The following KIRREL3 variants were observed in gnomAD, a reference collection of about 807,000 sequenced individuals.
KIRREL3 encodes the protein kirre like nephrin family adhesion molecule 3.
A neutral mutation model predicts 89.7 loss-of-function variants in KIRREL3; 36 were observed. That is an observed-to-expected ratio of 0.40 (90% CI 0.31 to 0.53). The LOEUF (loss-of-function observed/expected upper bound fraction) is 0.53, where lower values mean the gene tolerates loss of function less well. KIRREL3 is among the 20% of genes least tolerant of loss of function. The pLI is 0.49. For missense variants in KIRREL3, 864 were observed against 1,056.6 expected (o/e 0.82, Z 2.53); for synonymous variants, 445 against 441.4 (o/e 1.01, Z -0.10).
At position 126,740,539 on chromosome 11, in the gene KIRREL3, A is replaced by G. The variant is rs1470861586; in HGVS notation, c.56-177627T>C. Reference sequence around the variant, plus strand: ...CTCCTACCCAGGAGACATGTTCCTTATATTTGTGATGTATTCCTATGGGCA... The same window carrying G: ...CTCCTACCCAGGAGACATGTTCCTTGTATTTGTGATGTATTCCTATGGGCA... On this transcript the variant is annotated intron_variant, in intron 1 of 16. Coordinates refer to ENST00000525144, the MANE Select transcript of KIRREL3 (RefSeq NM_032531.4). The surrounding 1 kb of genome is among the most constrained non-coding windows in gnomAD (Gnocchi z 6.0). Among the ~76,000 whole-genome samples the G allele has an allele frequency of 6.6e-6, 1 of 152,102 alleles. No homozygotes were observed. The highest frequency in any genetic ancestry group is 1.9e-4 in the East Asian group (1 of 5,180).
rs1942967070 is a variant in KIRREL3 at position 126,608,180 on chromosome 11, T to C, written c.56-45268A>G. Reference sequence around the variant, plus strand: ...TGCAGCTGGAGGTGGGGGCGGGCCATGGTGGGCCAGGACAGGTGGGAGAGA... The same window carrying C: ...TGCAGCTGGAGGTGGGGGCGGGCCACGGTGGGCCAGGACAGGTGGGAGAGA... On this transcript the variant is annotated intron_variant, in intron 1 of 16. Transcript: ENST00000525144. This position sits in a 1 kb window ranked among gnomAD's most constrained non-coding sequence, Gnocchi z 4.9. Among the ~76,000 whole-genome samples, 1 of 151,814 alleles carries C rather than the reference T, an allele frequency of 6.6e-6. No homozygotes were observed. Among genetic ancestry groups the C allele is most frequent in the African/African-American group, 2.4e-5 (1 of 41,306 alleles).
intron 1 of KIRREL3, among the ~76,000 whole-genome samples, chr11:126,916,072 C>T (rs1251237385): frequency 6.6e-6 from 1 of 152,164 alleles, no homozygotes; most frequent in African/African-American, 2.4e-5. Flanking sequence ...ACATATACAG[C>T]CTTTCACAGT....
At position 126,797,686 on chromosome 11, in the gene KIRREL3, C is replaced by T. The variant is rs1592142066; in HGVS notation, c.55+202769G>A. Among the ~76,000 whole-genome samples, 1 of 151,868 alleles carries T rather than the reference C, an allele frequency of 6.6e-6. No individual in the cohort carries two copies. Among genetic ancestry groups the T allele is most frequent in the African/African-American group, 2.4e-5 (1 of 41,340 alleles). On this transcript the variant is annotated intron_variant, in intron 1 of 16. Transcript: ENST00000525144. The surrounding 1 kb of genome is among the most constrained non-coding windows in gnomAD (Gnocchi z 4.9). ...CATCCAAGCACAATCAGCACTGGGT[C>T]GATGTATATGAGGAAAGCACAGAAT...
intron 2 of KIRREL3, among the ~76,000 whole-genome samples, chr11:126,532,200 T>C (rs1451600762): frequency 6.6e-6 from 1 of 152,192 alleles, no homozygotes; most frequent in African/African-American, 2.4e-5. Flanking sequence ...ACAAGTTCAC[T>C]TGATTAGCTC....
intron 1 of KIRREL3, among the ~76,000 whole-genome samples, chr11:126,907,898 G>A (rs964563922): frequency 6.6e-6 from 1 of 152,048 alleles, no homozygotes; most frequent in African/African-American, 2.4e-5. Context: ...CTCACCCTCT[G>A]CCTGGAATGC....
intron 2 of KIRREL3, among the ~76,000 whole-genome samples, chr11:126,560,280 C>T (rs150661178): frequency 9.9e-4 from 150 of 152,248 alleles, no homozygotes; most frequent in African/African-American, 3.5e-3. Flanking sequence ...AGGACACACA[C>T]GCACACACAC....
chr11:126,624,026 C>T lies in KIRREL3; in HGVS notation c.56-61114G>A, dbSNP rs980400678. On this transcript the variant is annotated intron_variant, in intron 1 of 16. Transcript: ENST00000525144. This position sits in a 1 kb window ranked among gnomAD's most constrained non-coding sequence, Gnocchi z 6.0. Reference sequence around the variant, plus strand: ...AGAAGGGAAGAGCTAATCTCCTCTTCACCTGTGATGACTGTTTTTCCACCT... The same window carrying T: ...AGAAGGGAAGAGCTAATCTCCTCTTTACCTGTGATGACTGTTTTTCCACCT... Among the ~76,000 whole-genome samples the T allele has an allele frequency of 1.3e-5, 2 of 152,198 alleles. No individual in the cohort carries two copies. Among genetic ancestry groups the T allele is most frequent in the African/African-American group, 4.8e-5 (2 of 41,436 alleles).
At chr11:126,711,201 T>C (rs1371171412) in intron 1 of KIRREL3, among the ~76,000 whole-genome samples, 1 of 152,210 alleles carries the variant, frequency 6.6e-6, no homozygotes, top group African/African-American at 2.4e-5. Context: ...GCAGAAGGAA[T>C]GGAGTTACTG....
At position 126,776,407 on chromosome 11, in the gene KIRREL3, G is replaced by A. The variant is rs1950170033; in HGVS notation, c.56-213495C>T. 6.6e-6 allele frequency among the ~76,000 whole-genome samples: 1 copy of A among 152,138 alleles called. No individual in the cohort carries two copies. The highest frequency in any genetic ancestry group is 1.5e-5 in the Non-Finnish European group (1 of 68,032). ...ACCTCACTGAACCAGTTTCCCATTGGTAAATGTGCTGATGCCTCCTTCTCA... is the reference window on the plus strand; with the variant it reads ...ACCTCACTGAACCAGTTTCCCATTGATAAATGTGCTGATGCCTCCTTCTCA... On this transcript the variant is annotated intron_variant, in intron 1 of 16. Transcript: ENST00000525144. This position sits in a 1 kb window ranked among gnomAD's most constrained non-coding sequence, Gnocchi z 4.7.
At position 126,557,040 on chromosome 11, in the gene KIRREL3, G is replaced by T. The variant is rs913123162; in HGVS notation, c.133+5795C>A. Reference sequence around the variant, plus strand: ...GCAGGCAGTGGAGGAATGGGCTCAGGAAAATGACTGTGGCCCTTAGCGCGA... The same window carrying T: ...GCAGGCAGTGGAGGAATGGGCTCAGTAAAATGACTGTGGCCCTTAGCGCGA... On this transcript the variant is annotated intron_variant, in intron 2 of 16. Transcript: ENST00000525144. The surrounding 1 kb of genome is among the most constrained non-coding windows in gnomAD (Gnocchi z 5.6). 6.6e-6 allele frequency among the ~76,000 whole-genome samples: 1 copy of T among 152,182 alleles called. No homozygotes were observed. The highest frequency in any genetic ancestry group is 2.4e-5 in the African/African-American group (1 of 41,438).
In KIRREL3 at chr11:126,640,613, C is replaced by CAT. The variant is rs879770365; in HGVS notation, c.56-77702_56-77701insAT. On this transcript the variant is annotated intron_variant, in intron 1 of 16. Coordinates refer to ENST00000525144, the MANE Select transcript of KIRREL3 (RefSeq NM_032531.4). This position sits in a 1 kb window ranked among gnomAD's most constrained non-coding sequence, Gnocchi z 4.9. ...ATTAATACACCTCATAGCATTTAGT[C>CAT]TGAACCTTACAGCATGGTCTTAAAG... Among the ~76,000 whole-genome samples, 3,574 of 152,230 alleles carry CAT rather than the reference C, an allele frequency of 0.023. 39 individuals are homozygous for CAT. Among genetic ancestry groups the CAT allele is most frequent in the Middle Eastern group, 0.088 (26 of 294 alleles).
At chr11:126,785,505 A>G (rs1404101007) in intron 1 of KIRREL3, among the ~76,000 whole-genome samples, 1 of 152,034 alleles carries the variant, frequency 6.6e-6, no homozygotes, top group African/African-American at 2.4e-5. Flanking sequence ...GGGGCAGGAG[A>G]GCCCAGGTGT....
At chr11:126,962,170 T>C (rs1490014338) in intron 1 of KIRREL3, among the ~76,000 whole-genome samples, 1 of 152,226 alleles carries the variant, frequency 6.6e-6, no homozygotes, top group Non-Finnish European at 1.5e-5. Flanking sequence ...AGTCTCATTA[T>C]TTAAAAATAC....
Position 126,990,484 on chromosome 11 carries a change from C to A in KIRREL3, c.55+9971G>T, listed in dbSNP as rs924498049. 1.3e-5 allele frequency among the ~76,000 whole-genome samples: 2 copies of A among 152,184 alleles called. No homozygotes were observed. Among genetic ancestry groups the A allele is most frequent in the Non-Finnish European group, 2.9e-5 (2 of 68,030 alleles). On this transcript the variant is annotated intron_variant, in intron 1 of 16. Transcript: ENST00000525144. The surrounding 1 kb of genome is among the most constrained non-coding windows in gnomAD (Gnocchi z 6.3). ...GCAGCCACTAGGCTTTCCCCTTCCCCGTCCTAAGGGACCTCCCGGGCTCTG... is the reference window on the plus strand; with the variant it reads ...GCAGCCACTAGGCTTTCCCCTTCCCAGTCCTAAGGGACCTCCCGGGCTCTG...
chr11:126,902,514 AG>A (rs1332566335), intron 1 of KIRREL3, among the ~76,000 whole-genome samples: 2 of 152,270 alleles, frequency 1.3e-5, no homozygotes, highest in Admixed American at 1.3e-4. Flanking sequence ...AGAATGTGAA[AG>A]AATGCTCTCA....
chr11:126,510,755 C>T (rs541711838), intron 4 of KIRREL3, among the ~76,000 whole-genome samples: 2 of 152,300 alleles, frequency 1.3e-5, no homozygotes, highest in South Asian at 4.1e-4. Flanking sequence ...ATGTCTTTTA[C>T]AGGCACTGCG....
rs1288234869 is a variant in KIRREL3, at chr11:126,943,871, G to A, written c.55+56584C>T. 6.6e-6 allele frequency among the ~76,000 whole-genome samples: 1 copy of A among 152,160 alleles called. No homozygotes were observed. The highest frequency in any genetic ancestry group is 1.5e-5 in the Non-Finnish European group (1 of 68,018). ...AGGTGAGGGGGACATAGTATCATTCGGTTTGGTCTAGGTGGAGACTTCTTA... is the reference window on the plus strand; with the variant it reads ...AGGTGAGGGGGACATAGTATCATTCAGTTTGGTCTAGGTGGAGACTTCTTA... On this transcript the variant is annotated intron_variant, in intron 1 of 16. Coordinates refer to ENST00000525144, the MANE Select transcript of KIRREL3 (RefSeq NM_032531.4). The surrounding 1 kb of genome is among the most constrained non-coding windows in gnomAD (Gnocchi z 4.2).
intron 1 of KIRREL3, among the ~76,000 whole-genome samples, chr11:126,675,008 T>C (rs1443314460): frequency 6.6e-6 from 1 of 152,202 alleles, no homozygotes; most frequent in Non-Finnish European, 1.5e-5. Flanking sequence ...AAGGGGCTCT[T>C]GGCTCTACTG....
In KIRREL3 at chr11:126,703,099, G is replaced by C. The variant is rs1166681997; in HGVS notation, c.56-140187C>G. ...TAGTAGATGGCGTATTCTCTGGGCT[G>C]TGAATCCTGGTCAGGTGGGGGTGGC... On this transcript the variant is annotated intron_variant, in intron 1 of 16. Coordinates refer to ENST00000525144, the MANE Select transcript of KIRREL3 (RefSeq NM_032531.4). This position sits in a 1 kb window ranked among gnomAD's most constrained non-coding sequence, Gnocchi z 4.6. Among the ~76,000 whole-genome samples the C allele has an allele frequency of 6.6e-6, 1 of 152,206 alleles. No homozygotes were observed. The highest frequency in any genetic ancestry group is 1.5e-5 in the Non-Finnish European group (1 of 68,028).
Sources: gnomAD v4.1 joint callset for allele counts (sites outside exome capture counted in the v4.1 genomes callset) on GRCh38, gnomAD v4.1.1 for gene constraint, Gnocchi (gnomAD v3.1) non-coding constraint, MANE v1.5 for transcripts, NCBI Gene and HGNC (gene_info 2026-07-23, HGNC 2026-07-21) for gene names.